The following PGM5 variants were observed in gnomAD, a reference collection of about 807,000 sequenced individuals.
The protein encoded by PGM5 is phosphoglucomutase-like protein 5.
PGM5 carries 23 observed loss-of-function variants against 59.2 expected under a neutral mutation model. The observed-to-expected ratio is 0.39, with a 90% CI of 0.28 to 0.55. PGM5 has a LOEUF of 0.55. Among genes scored for constraint, PGM5 ranks in the 20% least tolerant of loss-of-function variants. The pLI is 0.66. For missense variants in PGM5, 574 were observed against 748.3 expected, an observed-to-expected ratio of 0.77 and a Z score of 2.72; for synonymous variants, 214 against 286.0, an observed-to-expected ratio of 0.75 and a Z score of 2.54.
intron 7 of PGM5, among the ~76,000 whole-genome samples, chr9:68,477,482 T>A (rs970621354): frequency 6.6e-6 from 1 of 152,236 alleles, no homozygotes. Flanking sequence ...GCGTCTCCCT[T>A]GTTGGTTTTC....
rs1156978365 is a variant in PGM5, at chr9:68,392,463, G to T, written c.1033G>T (p.Ala345Ser). The change falls in exon 6 of 11, where the codon GCC (alanine) becomes TCC (serine). Residue 345 changes from alanine (A) to serine (S), a missense_variant. Ala to Ser is a moderately conservative substitution (Grantham distance 99, BLOSUM62 1). This residue lies in a region of PGM5 where 8 missense variants were observed against 75.4 expected (regional missense o/e 0.11). Coordinates refer to ENST00000396396, the MANE Select transcript of PGM5 (RefSeq NM_021965.4). Reference sequence around the variant, plus strand: ...TGGGAGGAGTATGCCAACCAGCATGGCCCTGGACAGGTAAGCAAGGATGTC... The same window carrying T: ...TGGGAGGAGTATGCCAACCAGCATGTCCCTGGACAGGTAAGCAAGGATGTC... ...GFGRSMPTSM[A>S]LDRVAKSMKV... is the part of the protein sequence containing the mutation. The T allele has an allele frequency of 6.2e-7, 1 of 1,611,158 alleles. No homozygotes were observed. The highest frequency in any genetic ancestry group is 1.3e-5 in the African/African-American group (1 of 74,802).
chr9:68,529,833 G>A lies in PGM5; in HGVS notation c.*177G>A. 1 of 523,904 alleles carries A rather than the reference G, an allele frequency of 1.9e-6. No homozygotes were observed. The highest frequency in any genetic ancestry group is 2.5e-5 in the South Asian group (1 of 40,278). 32.5% of individuals were successfully genotyped at this position (523,904 alleles called of 1,614,324 possible). A position where few individuals can be genotyped will look rare whatever the true frequency, so the allele number is the denominator to read the frequency against. The stretch of plus-strand genomic sequence containing the variant: ...AAAAAATCCATTTGGTTTTGGTTTT[G>A]TCCTATTCCTCCAAATGCAGCAGGG... On this transcript the variant is annotated 3_prime_UTR_variant, in exon 11 of 11. Coordinates refer to ENST00000396396, the MANE Select transcript of PGM5 (RefSeq NM_021965.4).
chr9:68,502,192 G>A (rs1455711145), intron 10 of PGM5, among the ~76,000 whole-genome samples: 1 of 152,200 alleles, frequency 6.6e-6, no homozygotes, highest in Admixed American at 6.5e-5. Flanking sequence ...AATCAGGAAG[G>A]AAAGCTTCCA....
intron 10 of PGM5, among the ~76,000 whole-genome samples, chr9:68,507,791 G>C (rs548421964): frequency 6.6e-6 from 1 of 152,032 alleles, no homozygotes; most frequent in South Asian, 2.1e-4. Context: ...CAGACAAAAC[G>C]CCAGGGCAAA....
At chr9:68,439,969 A>G (rs1823500845) in intron 6 of PGM5, among the ~76,000 whole-genome samples, 1 of 152,188 alleles carries the variant, frequency 6.6e-6, no homozygotes, top group South Asian at 2.1e-4. Flanking sequence ...ACTAAACTGC[A>G]CTGCAAAGTC....
intron 6 of PGM5, among the ~76,000 whole-genome samples, chr9:68,462,021 T>C (rs10511958): frequency 0.15 from 23,311 of 152,082 alleles, 3,519 homozygotes; most frequent in African/African-American, 0.37. Flanking sequence ...TGGGAGAAAC[T>C]GTTGGAAAGC....
Position 68,469,354 on chromosome 9 carries a change from G to GT in PGM5, c.1159+4152dup, listed in dbSNP as rs199720609. On this transcript the variant is annotated intron_variant, in intron 7 of 10. Coordinates refer to ENST00000396396, the MANE Select transcript of PGM5 (RefSeq NM_021965.4). Reference sequence around the variant, plus strand: ...TTGAGTCTTTCACAGAAATAATAGTGTTTTTTAAAAAAAAAATGAGCACTT... The same window carrying GT: ...TTGAGTCTTTCACAGAAATAATAGTGTTTTTTTAAAAAAAAAATGAGCACTT... Among the ~76,000 whole-genome samples the GT allele has an allele frequency of 5.4e-5, 8 of 149,118 alleles. No individual in the cohort carries two copies. The East Asian group carries it at 1.6e-3, about 29-fold the overall frequency.
intron 6 of PGM5, among the ~76,000 whole-genome samples, chr9:68,425,370 A>C (rs1027122891): frequency 6.6e-6 from 1 of 152,188 alleles, no homozygotes; most frequent in Non-Finnish European, 1.5e-5. Context: ...AGGGGTCGAG[A>C]GTGGTAAGGA....
chr9:68,525,610 T>C (rs1824959654), intron 10 of PGM5, among the ~76,000 whole-genome samples: 1 of 152,212 alleles, frequency 6.6e-6, no homozygotes, highest in African/African-American at 2.4e-5. Context: ...ATATATACCA[T>C]CTAGGTTTGT....
At chr9:68,522,991 TA>T (rs1298170327) in intron 10 of PGM5, among the ~76,000 whole-genome samples, 36 of 152,246 alleles carry the variant, frequency 2.4e-4, no homozygotes, top group African/African-American at 8.0e-4. Flanking sequence ...CCCTCATGGT[TA>T]ATTAATTATA....
chr9:68,471,918 C>CA (rs199830966), intron 7 of PGM5, among the ~76,000 whole-genome samples: 6,611 of 132,810 alleles, frequency 0.05, 172 homozygotes, highest in African/African-American at 0.07. Flanking sequence ...GACTCCATCT[C>CA]AAAAAAAAAG....
At position 68,406,704 on chromosome 9, in the gene PGM5, A is replaced by G. The variant is rs1445503311; in HGVS notation, c.1043+14231A>G. 3.6e-4 allele frequency among the ~76,000 whole-genome samples: 29 copies of G among 79,522 alleles called. 9 individuals are homozygous for G. The highest frequency in any genetic ancestry group is 6.8e-4 in the African/African-American group (13 of 19,100). 52.2% of individuals were successfully genotyped at this position (79,522 alleles called of 152,430 possible). On this transcript the variant is annotated intron_variant, in intron 6 of 10. Transcript: ENST00000396396. ...TATATATATATATATATATATATAT[A>G]TATATATATATATATATATATGTAT...
At chr9:68,527,086 G>T (rs984620297) in intron 10 of PGM5, among the ~76,000 whole-genome samples, 1 of 152,162 alleles carries the variant, frequency 6.6e-6, no homozygotes, top group African/African-American at 2.4e-5. Context: ...TGGAAAGCAC[G>T]CGTTAGTTTG....
intron 1 of PGM5, among the ~76,000 whole-genome samples, chr9:68,360,162 G>T (rs1554676184): frequency 6.6e-6 from 1 of 152,034 alleles, no homozygotes; most frequent in East Asian, 1.9e-4. Context: ...AAAAACTACA[G>T]TTACTCTTTG....
At chr9:68,434,542 C>T (rs1404787991) in intron 6 of PGM5, among the ~76,000 whole-genome samples, 2 of 152,044 alleles carry the variant, frequency 1.3e-5, no homozygotes, top group East Asian at 3.9e-4. Context: ...TGCGGTGGCT[C>T]ACGCTTCTAA....
chr9:68,397,376 C>T (rs529082438), intron 6 of PGM5: 1 of 152,418 alleles, frequency 6.6e-6, no homozygotes, highest in Admixed American at 6.5e-5. Flanking sequence ...AGCCTGAAGC[C>T]CTATTCACTA....
At chr9:68,366,228 T>C (rs572497932) in intron 1 of PGM5, among the ~76,000 whole-genome samples, 1 of 152,046 alleles carries the variant, frequency 6.6e-6, no homozygotes, top group African/African-American at 2.4e-5. Flanking sequence ...CTAGAACAAA[T>C]GTACAAACAT....
chr9:68,448,427 C>T (rs967693811), intron 6 of PGM5, among the ~76,000 whole-genome samples: 5 of 152,276 alleles, frequency 3.3e-5, no homozygotes, highest in African/African-American at 1.2e-4. Flanking sequence ...CACTTAGAGG[C>T]TTCCACCCAG....
At chr9:68,428,485 G>A (rs555294798) in intron 6 of PGM5, 88 of 152,296 alleles carry the variant, frequency 5.8e-4, no homozygotes, top group African/African-American at 1.9e-3. Context: ...TTTCAAAAGC[G>A]CCTGTGTCTG....
Sources: gnomAD v4.1 joint callset for allele counts (sites outside exome capture counted in the v4.1 genomes callset) on GRCh38, gnomAD v4.1.1 for gene constraint, gnomAD v4.1.1 regional missense constraint, MANE v1.5 for transcripts, NCBI Gene and HGNC (gene_info 2026-07-23, HGNC 2026-07-21) for gene names.